Variants in ZFHX3 observed in about 807,000 individuals in gnomAD.
ZFHX3 encodes zinc finger homeobox 3, also known as zinc finger homeobox protein 3.
A neutral mutation model predicts 279.1 loss-of-function variants in ZFHX3; 42 were observed. That is an observed-to-expected ratio of 0.15 (90% CI 0.12 to 0.19). The LOEUF (loss-of-function observed/expected upper bound fraction) is 0.19. Ranked by LOEUF, ZFHX3 falls within the 10% of genes least tolerant of loss-of-function variation. The pLI, the probability that ZFHX3 is intolerant of heterozygous loss-of-function variation, is 1.00. For missense variants in ZFHX3, 4,981 were observed against 4,754.0 expected (o/e 1.05, Z -1.40); for synonymous variants, 2,293 against 1,957.8 (o/e 1.17, Z -4.52).
At chr16:73,336,601 T>C (rs73587790) in intron 3 of ZFHX3, among the ~76,000 whole-genome samples, 4,361 of 152,206 alleles carry the variant, frequency 0.029, 226 homozygotes, top group African/African-American at 0.099. Flanking sequence ...TAGTTCATGG[T>C]GTATACGTGC....
intron 7 of ZFHX3, among the ~76,000 whole-genome samples, chr16:73,102,312 T>A (rs1966241830): frequency 6.6e-6 from 1 of 152,196 alleles, no homozygotes; most frequent in Admixed American, 6.5e-5. Context: ...AGTATGGAAA[T>A]CCAGGGTACA....
At position 73,546,662 on chromosome 16, in the gene ZFHX3, GTGCTGCTGTTGCTGCTGC is replaced by G. The variant is rs1246158065; in HGVS notation, c.-1546-90422_-1546-90405del. Among the ~76,000 whole-genome samples, 39 of 145,454 alleles carry G rather than the reference GTGCTGCTGTTGCTGCTGC, an allele frequency of 2.7e-4. No individual in the cohort carries two copies. The Middle Eastern group carries it at 0.014, about 52-fold the overall frequency. ...GCCATGGTGTGAGAAAAAGCTTTGG[GTGCTGCTGTTGCTGCTGC>G]TGCTGCTGCTGCTGCTGCTGCTGCT... On this transcript the variant is annotated intron_variant, in intron 2 of 17. Coordinates refer to the ZFHX3 transcript ENST00000641206.
At chr16:73,867,739 C>A (rs148613734) in intron 1 of ZFHX3, among the ~76,000 whole-genome samples, 1 of 152,178 alleles carries the variant, frequency 6.6e-6, no homozygotes, top group Admixed American at 6.5e-5. Context: ...ACTCTGATAT[C>A]TGTAGATAAT....
At position 72,787,328 on chromosome 16, in the gene ZFHX3, C is replaced by T; in HGVS notation, c.10948G>A (p.Gly3650Arg). 2 of 1,613,924 alleles carry T rather than the reference C, an allele frequency of 1.2e-6. No individual in the cohort carries two copies. The highest frequency in any genetic ancestry group is 1.7e-6 in the Non-Finnish European group (2 of 1,179,978). ...TCTGTTGGCATCGAGGGCTGAACCC[C>T]TGAGGTGCTGCATGAACTTGAGGTA... is the stretch of plus-strand genomic sequence containing the variant. ...TVTSSSCSTS[G>R]VQPSMPTDDY... Residue 3650 changes from glycine to arginine, a missense_variant, in exon 10 of 10, where the codon GGG (glycine) becomes AGG (arginine). This residue lies in a region of ZFHX3 where 1,034 missense variants were observed against 786.0 expected (regional missense o/e 1.32). Transcript: ENST00000268489.
chr16:72,866,449 C>T (rs1039679312), intron 4 of ZFHX3, among the ~76,000 whole-genome samples: 1 of 152,262 alleles, frequency 6.6e-6, no homozygotes, highest in South Asian at 2.1e-4. Context: ...TGTGCATGTG[C>T]ATTCATGAGC....
intron 1 of ZFHX3, among the ~76,000 whole-genome samples, chr16:72,993,167 A>G (rs888002973): frequency 3.3e-5 from 5 of 152,166 alleles, no homozygotes; most frequent in Non-Finnish European, 7.4e-5. Flanking sequence ...AAGAACTGCA[A>G]AAAGGCAGGA....
Position 72,796,921 on chromosome 16 carries a change from A to T in ZFHX3, c.5761T>A (p.Leu1921Met). The T allele has an allele frequency of 6.2e-7, 1 of 1,612,190 alleles. No homozygotes were observed. Among genetic ancestry groups the T allele is most frequent in the Non-Finnish European group, 8.5e-7 (1 of 1,179,578 alleles). The change falls in exon 9 of 10, where the codon TTG becomes ATG. Residue 1921 changes from leucine to methionine, a missense_variant. Leu to Met is a conservative substitution (Grantham distance 15). Coordinates refer to ENST00000268489, the MANE Select transcript of ZFHX3 (RefSeq NM_006885.4). ...GGCTCAGAACCACCCCCTGGTGCCAACTCTTTCTTCTCTTTGGCCTTCAAG... is the reference window on the plus strand; with the variant it reads ...GGCTCAGAACCACCCCCTGGTGCCATCTCTTTCTTCTCTTTGGCCTTCAAG... The part of the protein sequence containing the change: ...DALKAKEKKE[L>M]APGGGSEPSM...
At position 72,796,958 on chromosome 16, in the gene ZFHX3, T is replaced by C. The variant is rs1197189168; in HGVS notation, c.5724A>G (p.Thr1908=). Residue 1908 remains threonine (T), a synonymous_variant, in exon 9 of 10, where the codon ACA becomes ACG. Transcript: ENST00000268489. ...GGEGNTGPKE[T]LPDALKAKEK... is the part of the protein sequence containing the mutation. ...CTTTGGCCTTCAAGGCATCTGGCAG[T>C]GTTTCCTTCGGACCGGTGTTGCCCT... The C allele has an allele frequency of 6.2e-7, 1 of 1,614,050 alleles. No homozygotes were observed. Among genetic ancestry groups the C allele is most frequent in the South Asian group, 1.1e-5 (1 of 91,078 alleles).
At chr16:73,325,584 G>T (rs369080279) in intron 3 of ZFHX3, among the ~76,000 whole-genome samples, 6 of 152,232 alleles carry the variant, frequency 3.9e-5, no homozygotes, top group African/African-American at 1.4e-4. Flanking sequence ...TCTTCAAAGT[G>T]TCCAGAAGTA....
chr16:73,359,395 T>C (rs1260264790), intron 3 of ZFHX3, among the ~76,000 whole-genome samples: 3 of 151,872 alleles, frequency 2.0e-5, no homozygotes, highest in Admixed American at 6.6e-5. Flanking sequence ...TGGGGGAAAA[T>C]GACATCAATT....
chr16:73,886,436 A>T, intron 1 of ZFHX3, among the ~76,000 whole-genome samples: 1 of 152,178 alleles, frequency 6.6e-6, no homozygotes, highest in East Asian at 1.9e-4. Context: ...GGGCGAAGAT[A>T]TTTCTGCTGC....
intron 6 of ZFHX3, among the ~76,000 whole-genome samples, chr16:73,136,697 C>G (rs8045588): frequency 0.04 from 5,220 of 131,536 alleles, 357 homozygotes; most frequent in African/African-American, 0.14. Context: ...CTGCCCTACA[C>G]GCTGGGTGAC....
intron 7 of ZFHX3, chr16:73,126,767 C>T (rs1966576678): frequency 6.6e-6 from 1 of 152,340 alleles, no homozygotes; most frequent in South Asian, 2.1e-4. Context: ...GATTGCAGGA[C>T]ATTGTGAGAT....
At chr16:73,404,938 C>T (rs1216636626) in intron 3 of ZFHX3, among the ~76,000 whole-genome samples, 2 of 152,200 alleles carry the variant, frequency 1.3e-5, no homozygotes, top group Non-Finnish European at 2.9e-5. Context: ...CCTCCAAGCA[C>T]TTATGAGCTT....
chr16:73,436,468 C>G (rs780180428), intron 3 of ZFHX3, among the ~76,000 whole-genome samples: 1 of 152,140 alleles, frequency 6.6e-6, no homozygotes, highest in African/African-American at 2.4e-5. Context: ...ATAAAACCAT[C>G]AGATGTCGTG....
intron 1 of ZFHX3, among the ~76,000 whole-genome samples, chr16:73,747,293 A>G (rs1027659323): frequency 2.0e-5 from 3 of 152,150 alleles, no homozygotes; most frequent in African/African-American, 7.2e-5. Context: ...CTAAGTTGGG[A>G]GGATTGCTTG....
intron 2 of ZFHX3, among the ~76,000 whole-genome samples, chr16:73,626,384 G>T (rs749431701): frequency 1.3e-5 from 2 of 151,878 alleles, no homozygotes; most frequent in East Asian, 3.9e-4. Flanking sequence ...CGCCAAAGGA[G>T]ATTTTCATCT....
intron 1 of ZFHX3, among the ~76,000 whole-genome samples, chr16:73,835,844 A>G (rs939790885): frequency 1.3e-5 from 2 of 152,156 alleles, no homozygotes; most frequent in African/African-American, 4.8e-5. Context: ...CTCTTGAAGT[A>G]GTCAAGGGTG....
At chr16:73,788,553 G>A (rs1309266274) in intron 1 of ZFHX3, among the ~76,000 whole-genome samples, 1 of 152,070 alleles carries the variant, frequency 6.6e-6, no homozygotes, top group African/African-American at 2.4e-5. Context: ...CTGCCCATTA[G>A]GTCGTAAGTT....
Sources: allele counts gnomAD v4.1 joint callset (sites outside exome capture counted in the v4.1 genomes callset), GRCh38; gene constraint gnomAD v4.1.1; regional missense constraint gnomAD v4.1.1; transcripts MANE v1.5; gene names NCBI Gene and HGNC (gene_info 2026-07-23, HGNC 2026-07-21).